ZSCAN25: variants seen among roughly 807,000 people sequenced by gnomAD.
ZSCAN25 encodes zinc finger and SCAN domain-containing protein 25.
ZSCAN25 carries 27 observed loss-of-function variants against 38.7 expected under a neutral mutation model. The ratio of observed to expected loss-of-function variants is 0.70; its 90% CI spans 0.51 to 0.96. The LOEUF (loss-of-function observed/expected upper bound fraction) is 0.96. ZSCAN25 is among the 40% of genes least tolerant of loss of function. The pLI, the probability that ZSCAN25 is intolerant of heterozygous loss-of-function variation, is 0.00. For missense variants in ZSCAN25, 637 were observed against 705.9 expected, an observed-to-expected ratio of 0.90 and a Z score of 1.11; for synonymous variants, 273 against 277.7, an observed-to-expected ratio of 0.98 and a Z score of 0.17.
chr7:99,738,008 G>A, the ZSCAN25 span, among the ~76,000 whole-genome samples: 1 of 152,174 alleles, frequency 6.6e-6, no homozygotes, highest in African/African-American at 2.4e-5. Context: ...CTCATTTCCT[G>A]TATTAAAGCA....
chr7:99,638,552 C>G, the ZSCAN25 span: 1 of 1,534,412 alleles, frequency 6.5e-7, no homozygotes, highest in Non-Finnish European at 9.0e-7. Context: ...GCCGCGAGAG[C>G]GCGGATCTTG....
At chr7:99,668,399 G>A in the ZSCAN25 span, among the ~76,000 whole-genome samples, 1 of 152,228 alleles carries the variant, frequency 6.6e-6, no homozygotes, top group Non-Finnish European at 1.5e-5. Flanking sequence ...CTTGTGGCCT[G>A]CAGGCCTCAT....
the ZSCAN25 span, chr7:99,679,954 G>A: frequency 1.3e-6 from 2 of 1,490,054 alleles, no homozygotes; most frequent in South Asian, 2.3e-5. Flanking sequence ...GAGTGCTGCT[G>A]TTTGCTGGGC....
chr7:99,619,100 T>A lies in ZSCAN25; in HGVS notation c.-79T>A, dbSNP rs565516104. On this transcript the variant is annotated 5_prime_UTR_variant, in exon 3 of 8. Transcript: ENST00000394152. ...AGAGTTGCTTCCATTTGACTTTTTC[T>A]GTCTGCTGTACCAGCATATGAGTTT... The A allele has an allele frequency of 2.6e-5, 4 of 152,784 alleles. No individual in the cohort carries two copies. The East Asian group carries it at 7.7e-4, about 29-fold the overall frequency. 9.5% of individuals were successfully genotyped at this position (152,784 alleles called of 1,614,324 possible). A position where few individuals can be genotyped will look rare whatever the true frequency, so the allele number is the denominator to read the frequency against.
At chr7:99,624,254 C>T in intron 7 of ZSCAN25, 74 bp downstream of exon 7, 2 of 1,595,688 alleles carry the variant, frequency 1.3e-6, no homozygotes, top group Non-Finnish European at 1.7e-6. Context: ...TGCCGTAGCT[C>T]TGGCGCTCCT....
chr7:99,661,120 A>G, the ZSCAN25 span, among the ~76,000 whole-genome samples: 1 of 152,208 alleles, frequency 6.6e-6, no homozygotes, highest in African/African-American at 2.4e-5. Flanking sequence ...AGAATTTGCA[A>G]TATTTAGGAC....
chr7:99,674,491 A>G, the ZSCAN25 span: 1 of 1,530,086 alleles, frequency 6.5e-7, no homozygotes, highest in Admixed American at 1.7e-5. Flanking sequence ...TAACCTCCTC[A>G]CAGTAGCAGG....
chr7:99,687,929 T>A, the ZSCAN25 span, among the ~76,000 whole-genome samples: 2 of 152,082 alleles, frequency 1.3e-5, no homozygotes, highest in Non-Finnish European at 2.9e-5. Flanking sequence ...CTAAGCTTCA[T>A]AAGTGAAGGA....
At chr7:99,656,353 C>T in the ZSCAN25 span, among the ~76,000 whole-genome samples, 58 of 152,242 alleles carry the variant, frequency 3.8e-4, no homozygotes, top group African/African-American at 1.2e-3. Context: ...TGGGTTTTGT[C>T]GTTGGTTCTG....
chr7:99,683,012 A>G, the ZSCAN25 span, among the ~76,000 whole-genome samples: 1 of 152,192 alleles, frequency 6.6e-6, no homozygotes, highest in Non-Finnish European at 1.5e-5. Context: ...ATAGTTCTTT[A>G]GTGGAGTCTT....
At chr7:99,709,176 A>T in the ZSCAN25 span, 1 of 1,614,050 alleles carries the variant, frequency 6.2e-7, no homozygotes, top group Non-Finnish European at 8.5e-7. Flanking sequence ...CTCAAGTCTC[A>T]TAGCAACTGG....
chr7:99,687,395 T>A, the ZSCAN25 span, among the ~76,000 whole-genome samples: 1 of 152,158 alleles, frequency 6.6e-6, no homozygotes, highest in African/African-American at 2.4e-5. Context: ...CAGGAGCTGA[T>A]GCGATCAACT....
chr7:99,668,108 AAACAAAATTATTCACATTTCTATGT>A, the ZSCAN25 span, among the ~76,000 whole-genome samples: 1 of 152,228 alleles, frequency 6.6e-6, no homozygotes. Flanking sequence ...CAAGATCAAC[AAACAAAATTATTCACATTTCTATGT>A]AACAATAATC....
At chr7:99,668,561 G>A in the ZSCAN25 span, among the ~76,000 whole-genome samples, 1 of 152,102 alleles carries the variant, frequency 6.6e-6, no homozygotes, top group Non-Finnish European at 1.5e-5. Flanking sequence ...AATGGAAAGG[G>A]GTAATCAGAG....
the ZSCAN25 span, among the ~76,000 whole-genome samples, chr7:99,732,159 G>T: frequency 6.6e-6 from 1 of 152,138 alleles, no homozygotes. Context: ...CTGTCCTCTT[G>T]ACAATGAGTT....
Position 99,630,509 on chromosome 7 carries a change from C to A in ZSCAN25, c.*489C>A. ...ATGCCGTGGTGAATGAGAGACTAGA[C>A]GTGATGCCTCTGGGGGTTGTGCGTT... On this transcript the variant is annotated 3_prime_UTR_variant, in exon 8 of 8. Coordinates refer to ENST00000394152, the MANE Select transcript of ZSCAN25 (RefSeq NM_145115.3). 1.0e-6 allele frequency: 1 copy of A among 994,500 alleles called. No individual in the cohort carries two copies. Among genetic ancestry groups the A allele is most frequent in the Non-Finnish European group, 1.2e-6 (1 of 835,526 alleles). 61.6% of individuals were successfully genotyped at this position (994,500 alleles called of 1,614,324 possible).
chr7:99,618,947 C>A (rs1000821071), intron 2 of ZSCAN25, 101 bp from the exon 3 acceptor site: 69 of 152,372 alleles, frequency 4.5e-4, no homozygotes, highest in African/African-American at 1.5e-3. Flanking sequence ...ATGACTGACT[C>A]ATTCTCATCC....
the ZSCAN25 span, among the ~76,000 whole-genome samples, chr7:99,702,380 C>T: frequency 2.0e-5 from 3 of 152,200 alleles, no homozygotes; most frequent in African/African-American, 7.2e-5. Flanking sequence ...CATGAGCCAC[C>T]GTGTTTGGCC....
the ZSCAN25 span, among the ~76,000 whole-genome samples, chr7:99,701,452 T>C: frequency 6.6e-6 from 1 of 152,254 alleles, no homozygotes; most frequent in Non-Finnish European, 1.5e-5. Context: ...TGGATTTCCT[T>C]TCTTCCTGGT....
Sources: allele counts gnomAD v4.1 joint callset (sites outside exome capture counted in the v4.1 genomes callset), GRCh38; gene constraint gnomAD v4.1.1; transcripts MANE v1.5; gene names NCBI Gene and HGNC (gene_info 2026-07-23, HGNC 2026-07-21).